Variants in CPEB1 observed in about 807,000 individuals in gnomAD.
CPEB1 encodes the protein cytoplasmic polyadenylation element binding protein 1.
A neutral mutation model predicts 65.8 loss-of-function variants in CPEB1; 7 were observed. The observed-to-expected ratio is 0.11, with a 90% CI of 0.06 to 0.20. The LOEUF is 0.20. Ranked by LOEUF, CPEB1 falls within the 10% of genes least tolerant of loss-of-function variation. The pLI is 1.00. For missense variants in CPEB1, 551 were observed against 712.2 expected (o/e 0.77, Z 2.58); for synonymous variants, 262 against 260.0 (o/e 1.01, Z -0.08).
chr15:82,571,954 C>T (rs1001626315), intron 3 of CPEB1: 55 of 721,648 alleles, frequency 7.6e-5, no homozygotes, highest in Admixed American at 6.0e-4. Flanking sequence ...GGTGCAGTGC[C>T]GTTAAGTCTG....
At chr15:82,643,931 A>T (rs1423377528) in intron 1 of CPEB1, among the ~76,000 whole-genome samples, 3 of 152,214 alleles carry the variant, frequency 2.0e-5, no homozygotes, top group Non-Finnish European at 2.9e-5. Flanking sequence ...TGTTACTTTT[A>T]CAGGTCTTAA....
At chr15:82,617,532 C>T (rs1016555327) in intron 3 of CPEB1, among the ~76,000 whole-genome samples, 13 of 151,960 alleles carry the variant, frequency 8.6e-5, no homozygotes, top group African/African-American at 3.1e-4. Flanking sequence ...ACAGAAAAAG[C>T]ACATTAGGTA....
At chr15:82,617,641 A>G (rs2044848694) in intron 3 of CPEB1, among the ~76,000 whole-genome samples, 1 of 151,788 alleles carries the variant, frequency 6.6e-6, no homozygotes, top group Admixed American at 6.6e-5. Flanking sequence ...TTAGCAAAAT[A>G]GGGGAAATTA....
chr15:82,627,170 T>TC (rs776426811), intron 3 of CPEB1, 23 bp downstream of exon 3: 1 of 1,601,490 alleles, frequency 6.2e-7, no homozygotes, highest in South Asian at 1.1e-5. Context: ...CCTACCACGT[T>TC]CAAGTTTTCA....
chr15:82,571,547 A>G lies in CPEB1; in HGVS notation c.272-15T>C, dbSNP rs2040030573. The G allele has an allele frequency of 1.2e-6, 2 of 1,608,990 alleles. No homozygotes were observed. The highest frequency in any genetic ancestry group is 1.7e-6 in the Non-Finnish European group (2 of 1,177,266). On this transcript the variant is annotated splice_polypyrimidine_tract_variant and intron_variant, in intron 3 of 12. Transcript: ENST00000684509. ...GTCCTGGAAGTCTGTTTTGGAAAGG[A>G]GCACAGCAGAAACCTCAGAGTTAAG...
intron 3 of CPEB1, among the ~76,000 whole-genome samples, chr15:82,613,927 G>A (rs2044433569): frequency 6.6e-6 from 1 of 151,912 alleles, no homozygotes; most frequent in African/African-American, 2.4e-5. Flanking sequence ...TGGCCTCCTT[G>A]GGAGGCTCCC....
intron 3 of CPEB1, among the ~76,000 whole-genome samples, chr15:82,584,903 C>CATTTTTTTTTTTTTTTT (rs2041643931): frequency 1.2e-5 from 1 of 81,742 alleles, no homozygotes; most frequent in African/African-American, 5.9e-5. Context: ...TCCTAATTTG[C>CATTTTTTTTTTTTTTTT]TTTTTTTTTT....
intron 1 of CPEB1, among the ~76,000 whole-genome samples, chr15:82,641,841 G>A (rs1436858670): frequency 2.0e-5 from 3 of 151,908 alleles, no homozygotes; most frequent in African/African-American, 4.8e-5. Context: ...AGTCAGTCAG[G>A]AATCCTCCCA....
At chr15:82,586,677 G>T (rs1253767554) in intron 3 of CPEB1, among the ~76,000 whole-genome samples, 1 of 152,126 alleles carries the variant, frequency 6.6e-6, no homozygotes, top group African/African-American at 2.4e-5. Flanking sequence ...TGTTCATCGG[G>T]AAAGAATCTA....
chr15:82,584,902 G>GTTTTTTTTTTTT (rs1491170341), intron 3 of CPEB1, among the ~76,000 whole-genome samples: 1 of 22,770 alleles, frequency 4.4e-5, no homozygotes, highest in Non-Finnish European at 6.7e-5. Flanking sequence ...TTCCTAATTT[G>GTTTTTTTTTTTT]CTTTTTTTTT....
chr15:82,588,388 G>A (rs957576510), intron 3 of CPEB1, among the ~76,000 whole-genome samples: 1 of 152,108 alleles, frequency 6.6e-6, no homozygotes. Flanking sequence ...AGATTTTTAT[G>A]TATACAAGCA....
intron 3 of CPEB1, among the ~76,000 whole-genome samples, chr15:82,620,424 C>A (rs537569924): frequency 1.3e-3 from 182 of 139,114 alleles, no homozygotes; most frequent in Middle Eastern, 3.8e-3. Flanking sequence ...GACTCTGTCT[C>A]AAAAAGAAAA....
chr15:82,571,503 T>C lies in CPEB1; in HGVS notation c.301A>G (p.Ser101Gly). 5 of 1,614,076 alleles carry C rather than the reference T, an allele frequency of 3.1e-6. No individual in the cohort carries two copies. The highest frequency in any genetic ancestry group is 4.2e-6 in the Non-Finnish European group (5 of 1,179,946). The stretch of plus-strand genomic sequence containing the variant: ...GCAGAGGTTGGGAAAAGCATCCTGC[T>C]TGTAACTGTTTCTTCAGAGTCCTGG... ...DFQDSEETVT[S>G]RMLFPTSAQE... The change falls in exon 4 of 13, where the codon AGC becomes GGC. Residue 101 changes from serine (S) to glycine (G), a missense_variant. Around this residue, in one of 6 missense-constraint regions of CPEB1, gnomAD observed 223 missense variants for 228.6 expected, o/e 0.98. Transcript: ENST00000684509.
rs2034799143 is a variant in CPEB1 at position 82,544,345 on chromosome 15, A to G, written c.*247T>C. ...GAACTAAAATCTGGGAAAACTACAG[A>G]GTCGCTTGGAGGGTAAGCCAGAGGG... On this transcript the variant is annotated 3_prime_UTR_variant, in exon 13 of 13. Coordinates refer to ENST00000684509, the MANE Select transcript of CPEB1 (RefSeq NM_001365242.1). The G allele has an allele frequency of 3.1e-6, 1 of 327,796 alleles. No homozygotes were observed. Among genetic ancestry groups the G allele is most frequent in the Non-Finnish European group, 5.5e-6 (1 of 182,660 alleles). The allele number at this position is 327,796 out of a possible 1,614,324, so 20.3% of individuals were successfully genotyped here.
At chr15:82,634,938 C>T (rs2046540343) in intron 1 of CPEB1, among the ~76,000 whole-genome samples, 1 of 152,194 alleles carries the variant, frequency 6.6e-6, no homozygotes, top group Non-Finnish European at 1.5e-5. Context: ...ACCACAACCT[C>T]CACCTCCTGG....
At chr15:82,582,556 T>C (rs1481870786) in intron 3 of CPEB1, among the ~76,000 whole-genome samples, 2 of 152,102 alleles carry the variant, frequency 1.3e-5, no homozygotes, top group Admixed American at 6.6e-5. Flanking sequence ...TGGTCTCAAA[T>C]ACAGGGACTA....
intron 3 of CPEB1, among the ~76,000 whole-genome samples, chr15:82,594,216 A>C (rs1468292057): frequency 1.3e-5 from 2 of 152,148 alleles, no homozygotes; most frequent in Non-Finnish European, 2.9e-5. Flanking sequence ...TACATTGAGA[A>C]TCTGTTGTTG....
intron 9 of CPEB1, among the ~76,000 whole-genome samples, chr15:82,551,810 G>C: frequency 6.6e-6 from 1 of 152,126 alleles, no homozygotes; most frequent in East Asian, 1.9e-4. Flanking sequence ...TATTCAGTTG[G>C]AGATTCCTAA....
chr15:82,566,507 C>CTG, intron 4 of CPEB1, among the ~76,000 whole-genome samples: 1 of 152,152 alleles, frequency 6.6e-6, no homozygotes, highest in South Asian at 2.1e-4. Context: ...ATCTGCAACT[C>CTG]TATACCATAT....
Sources: gnomAD v4.1 joint callset for allele counts (sites outside exome capture counted in the v4.1 genomes callset) on GRCh38, gnomAD v4.1.1 for gene constraint, gnomAD v4.1.1 regional missense constraint, MANE v1.5 for transcripts, NCBI Gene and HGNC (gene_info 2026-07-23, HGNC 2026-07-21) for gene names.